The following SLC8A1 variants were observed in gnomAD, a reference collection of about 807,000 sequenced individuals.
The protein encoded by SLC8A1 is solute carrier family 8 member A1.
A neutral mutation model predicts 68.3 loss-of-function variants in SLC8A1; 18 were observed. The observed-to-expected ratio is 0.26, with a 90% CI of 0.18 to 0.39. SLC8A1 has a LOEUF of 0.39. Ranked by LOEUF, SLC8A1 falls within the 10% of genes least tolerant of loss-of-function variation. The pLI is 1.00. For synonymous variants in SLC8A1, 475 were observed against 415.5 expected (o/e 1.14, Z -1.74); for missense variants, 985 against 1,156.7 (o/e 0.85, Z 2.15).
intron 2 of SLC8A1, among the ~76,000 whole-genome samples, chr2:40,376,101 A>C (rs1159519959): frequency 2.6e-5 from 4 of 152,100 alleles, no homozygotes; most frequent in Admixed American, 6.6e-5. Context: ...TCAAACCTAA[A>C]ATTTTCTTCT....
At chr2:40,310,534 C>T (rs751952771) in intron 2 of SLC8A1, among the ~76,000 whole-genome samples, 3 of 152,116 alleles carry the variant, frequency 2.0e-5, no homozygotes, top group African/African-American at 4.8e-5. Flanking sequence ...CTGTAGTACT[C>T]GGGTCTGTAG....
At chr2:40,484,027 T>C (rs529477349) in intron 1 of SLC8A1, among the ~76,000 whole-genome samples, 6 of 152,206 alleles carry the variant, frequency 3.9e-5, no homozygotes, top group Non-Finnish European at 8.8e-5. Context: ...AATGCTGACC[T>C]CAACCATCAT....
At chr2:40,495,078 A>C (rs1370140418) in intron 1 of SLC8A1, among the ~76,000 whole-genome samples, 1 of 152,048 alleles carries the variant, frequency 6.6e-6, no homozygotes, top group East Asian at 1.9e-4. Context: ...TGGGTTTGTC[A>C]ACTTTGTAGT....
intron 2 of SLC8A1, among the ~76,000 whole-genome samples, chr2:40,216,396 G>C (rs917528382): frequency 2.0e-5 from 3 of 151,996 alleles, no homozygotes; most frequent in African/African-American, 7.3e-5. Flanking sequence ...TCTTTATCTA[G>C]TCTATCATTG....
intron 2 of SLC8A1, chr2:40,254,717 G>C (rs1411155131): frequency 6.6e-6 from 1 of 152,172 alleles, no homozygotes; most frequent in Non-Finnish European, 1.5e-5. Context: ...TCAATTATCA[G>C]ATCCACCAAA....
chr2:40,227,956 T>C (rs2059188599), intron 2 of SLC8A1, among the ~76,000 whole-genome samples: 1 of 152,192 alleles, frequency 6.6e-6, no homozygotes, highest in Admixed American at 6.5e-5. Context: ...ACCCATGTTT[T>C]ACATACGTAA....
intron 7 of SLC8A1, among the ~76,000 whole-genome samples, chr2:40,125,464 G>A (rs1572849353): frequency 6.6e-6 from 1 of 152,152 alleles, no homozygotes; most frequent in Non-Finnish European, 1.5e-5. Context: ...AGATGTGTTT[G>A]TGTCTTCATT....
intron 2 of SLC8A1, among the ~76,000 whole-genome samples, chr2:40,401,246 T>C (rs1176371688): frequency 6.6e-6 from 1 of 152,186 alleles, no homozygotes; most frequent in African/African-American, 2.4e-5. Context: ...TTCAGAACCC[T>C]ACACTTCGGA....
chr2:40,455,210 G>C (rs1439487190), upstream of SLC8A1, among the ~76,000 whole-genome samples: 1 of 152,150 alleles, frequency 6.6e-6, no homozygotes. Flanking sequence ...TGTAAATATT[G>C]TGAATTAGGC....
At chr2:40,436,861 G>T (rs1055497728) in intron 1 of SLC8A1, among the ~76,000 whole-genome samples, 3 of 152,044 alleles carry the variant, frequency 2.0e-5, no homozygotes, top group African/African-American at 7.2e-5. Flanking sequence ...ATAATCTTGG[G>T]CTCCATGTGA....
At chr2:40,163,665 T>A (rs778525042) in intron 5 of SLC8A1, among the ~76,000 whole-genome samples, 5 of 152,068 alleles carry the variant, frequency 3.3e-5, no homozygotes, top group Admixed American at 1.3e-4. Context: ...CTAGAAAGCA[T>A]TGGTTCCACT....
chr2:40,330,614 T>C (rs1438435693), intron 2 of SLC8A1, among the ~76,000 whole-genome samples: 1 of 152,168 alleles, frequency 6.6e-6, no homozygotes, highest in Non-Finnish European at 1.5e-5. Context: ...TAAATTACTA[T>C]TATAAAGAGA....
chr2:40,249,820 CTTACTT>C (rs1327954104), intron 2 of SLC8A1, among the ~76,000 whole-genome samples: 1 of 152,134 alleles, frequency 6.6e-6, no homozygotes, highest in Non-Finnish European at 1.5e-5. Flanking sequence ...CTGCCTAGAT[CTTACTT>C]AACACAGGAA....
At chr2:40,357,136 G>A (rs1672925087) in intron 2 of SLC8A1, among the ~76,000 whole-genome samples, 1 of 152,152 alleles carries the variant, frequency 6.6e-6, no homozygotes, top group Admixed American at 6.5e-5. Context: ...ATAACCTGCA[G>A]AGTGTATTTT....
intron 3 of SLC8A1, among the ~76,000 whole-genome samples, chr2:40,176,391 T>C (rs1373651301): frequency 1.3e-5 from 2 of 152,180 alleles, no homozygotes; most frequent in African/African-American, 2.4e-5. Context: ...ATAAAGTTCT[T>C]TGGAGGAATA....
intron 2 of SLC8A1, among the ~76,000 whole-genome samples, chr2:40,367,121 C>G (rs568671663): frequency 2.0e-4 from 30 of 152,060 alleles, no homozygotes; most frequent in African/African-American, 6.5e-4. Context: ...CCTAGAGAGG[C>G]CAGCCCCCAA....
intron 1 of SLC8A1, among the ~76,000 whole-genome samples, chr2:40,471,303 G>T (rs1360658459): frequency 6.6e-6 from 1 of 152,048 alleles, no homozygotes; most frequent in African/African-American, 2.4e-5. Context: ...TTACCTGCTT[G>T]ACCACTGCTT....
intron 2 of SLC8A1, among the ~76,000 whole-genome samples, chr2:40,359,944 AAAAC>A (rs1226860935): frequency 1.3e-5 from 2 of 152,128 alleles, no homozygotes; most frequent in African/African-American, 4.8e-5. Flanking sequence ...AAAAAAAAAA[AAAAC>A]AGATACATAA....
At chr2:40,212,258 G>A (rs1054344416) in intron 2 of SLC8A1, among the ~76,000 whole-genome samples, 2 of 143,962 alleles carry the variant, frequency 1.4e-5, no homozygotes, top group Admixed American at 7.0e-5. Context: ...TTATTTCCAG[G>A]TGCTAAACAG....
Sources: gnomAD v4.1 joint callset for allele counts (sites outside exome capture counted in the v4.1 genomes callset) on GRCh38, gnomAD v4.1.1 for gene constraint, MANE v1.5 for transcripts, NCBI Gene and HGNC (gene_info 2026-07-23, HGNC 2026-07-21) for gene names.